Variants in IGF2BP3 observed in about 807,000 individuals in gnomAD.
IGF2BP3 encodes insulin-like growth factor 2 mRNA-binding protein 3.
In IGF2BP3, 9 loss-of-function variants were observed where a neutral mutation model predicts 73.8. The observed-to-expected ratio is 0.12, with a 90% CI of 0.07 to 0.21. IGF2BP3 has a LOEUF of 0.21. Among genes scored for constraint, IGF2BP3 ranks in the 10% least tolerant of loss-of-function variants. The probability of loss-of-function intolerance (pLI) is 1.00; values close to 1 mark genes in which losing one functional copy is unlikely to be tolerated. For missense variants in IGF2BP3, 542 were observed against 714.0 expected (o/e 0.76, Z 2.75); for synonymous variants, 258 against 256.7 (o/e 1.01, Z -0.05).
chr7:23,337,812 G>T (rs1022011089), intron 10 of IGF2BP3, among the ~76,000 whole-genome samples: 2 of 152,178 alleles, frequency 1.3e-5, no homozygotes, highest in African/African-American at 4.8e-5. Flanking sequence ...TGGGACTACA[G>T]GTGTCTGTCA....
At chr7:23,373,254 G>A (rs1007013427) in intron 3 of IGF2BP3, among the ~76,000 whole-genome samples, 1 of 152,150 alleles carries the variant, frequency 6.6e-6, no homozygotes, top group African/African-American at 2.4e-5. Context: ...TCACAGAAAT[G>A]CTCATAAAAA....
intron 2 of IGF2BP3, among the ~76,000 whole-genome samples, chr7:23,433,580 A>G (rs1311960240): frequency 6.6e-6 from 1 of 151,708 alleles, no homozygotes; most frequent in Non-Finnish European, 1.5e-5. Context: ...TCTTGGGCTC[A>G]AGCAATTCTC....
intron 12 of IGF2BP3, among the ~76,000 whole-genome samples, chr7:23,317,053 T>C (rs114350605): frequency 0.027 from 4,063 of 152,276 alleles, 166 homozygotes; most frequent in African/African-American, 0.087. Context: ...ACTAGCAGCC[T>C]GGCTGCCAAG....
Position 23,470,015 on chromosome 7 carries a change from G to C in IGF2BP3, c.96C>G (p.Pro32=). 1 of 1,612,952 alleles carries C rather than the reference G, an allele frequency of 6.2e-7. No homozygotes were observed. The highest frequency in any genetic ancestry group is 8.5e-7 in the Non-Finnish European group (1 of 1,179,750). Reference sequence around the variant, plus strand: ...ACGCGTAGCCAGTCTTCACCAGGAAGGGTCCCGACACCGGGATCTTGGCGT... The same window carrying C: ...ACGCGTAGCCAGTCTTCACCAGGAACGGTCCCGACACCGGGATCTTGGCGT... The part of the protein sequence containing the change: ...FKDAKIPVSG[P]FLVKTGYAFV... Residue 32 remains proline, a synonymous_variant, in exon 1 of 15, where the codon CCC becomes CCG. Transcript: ENST00000258729.
intron 3 of IGF2BP3, among the ~76,000 whole-genome samples, chr7:23,377,451 T>A (rs893847099): frequency 5.9e-5 from 9 of 152,238 alleles, no homozygotes; most frequent in Non-Finnish European, 1.2e-4. Context: ...CTAGGATGGC[T>A]ATAATTGAAA....
intron 10 of IGF2BP3, among the ~76,000 whole-genome samples, chr7:23,340,559 A>T (rs186496983): frequency 1.3e-4 from 20 of 152,134 alleles, no homozygotes; most frequent in Admixed American, 4.6e-4. Flanking sequence ...ACATTTCCCC[A>T]AATTGGTGTA....
rs1174328170 is a variant in IGF2BP3 at position 23,311,627 on chromosome 7, G to T, written c.*735C>A. ...AAAAAACCCTGAAATTAATTTTCCA[G>T]CTTTACTGTCACCAGCCAGAAGTAA... is the stretch of plus-strand genomic sequence containing the variant. On this transcript the variant is annotated 3_prime_UTR_variant, in exon 15 of 15. Transcript: ENST00000258729. 6.6e-6 allele frequency: 1 copy of T among 152,344 alleles called. No homozygotes were observed. Among genetic ancestry groups the T allele is most frequent in the East Asian group, 1.9e-4 (1 of 5,204 alleles). The allele number at this position is 152,344 out of a possible 1,614,324, so 9.4% of individuals were successfully genotyped here. A position where few individuals can be genotyped will look rare whatever the true frequency, so the allele number is the denominator to read the frequency against.
Position 23,317,692 on chromosome 7 carries a change from C to G in IGF2BP3, c.1342G>C (p.Asp448His). The G allele has an allele frequency of 6.2e-7, 1 of 1,614,120 alleles. No individual in the cohort carries two copies. The highest frequency in any genetic ancestry group is 8.5e-7 in the Non-Finnish European group (1 of 1,179,926). Residue 448 changes from aspartate (D) to histidine (H), a missense_variant, in exon 12 of 15, where the codon GAT becomes CAT. Asp to His is a moderately conservative substitution (Grantham distance 81). This residue lies in a region of IGF2BP3 where 303 missense variants were observed against 472.1 expected (regional missense o/e 0.64). Coordinates refer to ENST00000258729, the MANE Select transcript of IGF2BP3 (RefSeq NM_006547.3). Reference sequence around the variant, plus strand: ...ATAATCACCATCCTCACTTTAGCATCTGGTGCTTCCGCTGGAGCAATCTGT... The same window carrying G: ...ATAATCACCATCCTCACTTTAGCATGTGGTGCTTCCGCTGGAGCAATCTGT... Reference protein sequence around the residue: ...SIKIAPAEAPDAKVRMVIITG... With the variant: ...SIKIAPAEAPHAKVRMVIITG...
intron 2 of IGF2BP3, among the ~76,000 whole-genome samples, chr7:23,428,858 C>T (rs140671918): frequency 6.6e-6 from 1 of 151,954 alleles, no homozygotes; most frequent in Non-Finnish European, 1.5e-5. Context: ...CAGAGTCATA[C>T]ATATTTTGCT....
intron 10 of IGF2BP3, among the ~76,000 whole-genome samples, chr7:23,327,348 T>C (rs1423130402): frequency 6.7e-6 from 1 of 148,814 alleles, no homozygotes; most frequent in Non-Finnish European, 1.5e-5. Flanking sequence ...TGGCGCAATC[T>C]CGGCTCACTG....
intron 2 of IGF2BP3, among the ~76,000 whole-genome samples, chr7:23,464,099 G>C (rs1788509709): frequency 6.6e-6 from 1 of 152,202 alleles, no homozygotes; most frequent in African/African-American, 2.4e-5. Flanking sequence ...AGCTTTTGCT[G>C]TCCTAAGACT....
At chr7:23,356,592 C>T (rs1785102418) in intron 5 of IGF2BP3, among the ~76,000 whole-genome samples, 1 of 152,020 alleles carries the variant, frequency 6.6e-6, no homozygotes, top group South Asian at 2.1e-4. Flanking sequence ...AATAAAATTC[C>T]ATGTCTAAAA....
At chr7:23,372,587 C>T (rs1410724199) in intron 3 of IGF2BP3, among the ~76,000 whole-genome samples, 1 of 152,086 alleles carries the variant, frequency 6.6e-6, no homozygotes, top group African/African-American at 2.4e-5. Context: ...TTGGTTTTTC[C>T]ATTCCTGAGT....
At chr7:23,320,072 G>A (rs546466727) in intron 10 of IGF2BP3, among the ~76,000 whole-genome samples, 6 of 151,234 alleles carry the variant, frequency 4.0e-5, no homozygotes, top group Non-Finnish European at 7.4e-5. Context: ...CACCACACCC[G>A]GCTAATTTTT....
Position 23,470,032 on chromosome 7 carries a change from T to C in IGF2BP3, c.79A>G (p.Ile27Val). Residue 27 changes from isoleucine to valine, a missense_variant, in exon 1 of 15, where the codon ATC becomes GTC. Physicochemically the swap from Ile to Val is conservative, Grantham distance 29. Around this residue, in one of 2 missense-constraint regions of IGF2BP3, gnomAD observed 239 missense variants for 241.9 expected, o/e 0.99. Transcript: ENST00000258729. ...ACCAGGAAGGGTCCCGACACCGGGA[T>C]CTTGGCGTCCTTGAAGATACTTTCT... ...DLESIFKDAKIPVSGPFLVKT... is the reference protein window; with the variant it reads ...DLESIFKDAKVPVSGPFLVKT... 6.2e-7 allele frequency: 1 copy of C among 1,612,660 alleles called. No individual in the cohort carries two copies. Among genetic ancestry groups the C allele is most frequent in the Non-Finnish European group, 8.5e-7 (1 of 1,179,672 alleles).
At chr7:23,431,904 G>A (rs182552336) in intron 2 of IGF2BP3, among the ~76,000 whole-genome samples, 97 of 152,178 alleles carry the variant, frequency 6.4e-4, no homozygotes, top group South Asian at 1.0e-3. Flanking sequence ...AGTCTCAAAG[G>A]CAAAATTACT....
intron 3 of IGF2BP3, among the ~76,000 whole-genome samples, chr7:23,377,214 T>G (rs770154049): frequency 1.3e-5 from 2 of 152,098 alleles, no homozygotes; most frequent in Non-Finnish European, 2.9e-5. Flanking sequence ...GAGAAAATAT[T>G]TGCAAATCAT....
chr7:23,360,987 CTGTT>C (rs1462102384), intron 5 of IGF2BP3, among the ~76,000 whole-genome samples: 4 of 152,140 alleles, frequency 2.6e-5, no homozygotes, highest in African/African-American at 9.7e-5. Context: ...CTAGGGGAGA[CTGTT>C]TGATCTGTCA....
rs1039303625 is a variant in IGF2BP3, at chr7:23,310,878, CAG to C, written c.*1482_*1483del. Reference sequence around the variant, plus strand: ...ACAAACAAAACTCAAAAAATCAATTCAGAGAGCAGCGTGGCCTTGGAGACCAC... The same window carrying C: ...ACAAACAAAACTCAAAAAATCAATTCAGAGCAGCGTGGCCTTGGAGACCAC... On this transcript the variant is annotated 3_prime_UTR_variant, in exon 15 of 15. Transcript: ENST00000258729. 6.6e-5 allele frequency: 10 copies of C among 152,028 alleles called. No individual in the cohort carries two copies. The highest frequency in any genetic ancestry group is 2.4e-4 in the African/African-American group (10 of 41,378). 9.4% of individuals were successfully genotyped at this position (152,028 alleles called of 1,614,324 possible). A position where few individuals can be genotyped will look rare whatever the true frequency, so the allele number is the denominator to read the frequency against.
Sources: gnomAD v4.1 joint callset for allele counts (sites outside exome capture counted in the v4.1 genomes callset) on GRCh38, gnomAD v4.1.1 for gene constraint, gnomAD v4.1.1 regional missense constraint, MANE v1.5 for transcripts, NCBI Gene and HGNC (gene_info 2026-07-23, HGNC 2026-07-21) for gene names.